The following FOXO3B variants were observed in gnomAD, a reference collection of about 807,000 sequenced individuals.
The protein encoded by FOXO3B is forkhead box O3B, also known as forkhead box protein O3B.
FOXO3B carries 15 observed loss-of-function variants against 21.9 expected under a neutral mutation model. The observed-to-expected ratio is 0.68, with a 90% CI of 0.46 to 1.05. The LOEUF (loss-of-function observed/expected upper bound fraction) is 1.05. Among genes scored for constraint, FOXO3B ranks in the 50% least tolerant of loss-of-function variants. The probability of loss-of-function intolerance (pLI) is 0.00; values close to 1 mark genes in which losing one functional copy is unlikely to be tolerated. For synonymous variants in FOXO3B, 135 were observed against 213.6 expected, an observed-to-expected ratio of 0.63 and a Z score of 3.21; for missense variants, 293 against 435.5, an observed-to-expected ratio of 0.67 and a Z score of 2.91.
At position 18,677,743 on chromosome 17, in the gene FOXO3B, C is replaced by T. The variant is rs1433584489; in HGVS notation, c.126+2998G>A. Reference sequence around the variant, plus strand: ...AAGAAAAAGACGGACAAGAAGCGGGCGCTACGGCGGCTGTAGTGGGCTCTC... The same window carrying T: ...AAGAAAAAGACGGACAAGAAGCGGGTGCTACGGCGGCTGTAGTGGGCTCTC... On this transcript the variant is annotated intron_variant, in intron 3 of 3. Transcript: ENST00000395675. 18 of 1,550,928 alleles carry T rather than the reference C, an allele frequency of 1.2e-5. No individual in the cohort carries two copies. The East Asian group carries it at 1.8e-4, about 15-fold the overall frequency.
intron 3 of FOXO3B, among the ~76,000 whole-genome samples, chr17:18,677,044 TCTTAAAAAATAAA>T (rs1296842671): frequency 1.3e-5 from 2 of 152,196 alleles, no homozygotes; most frequent in Non-Finnish European, 2.9e-5. Flanking sequence ...TATTTTTATT[TCTTAAAAAATAAA>T]AGATATCACA....
Position 18,669,350 on chromosome 17 carries a change from A to G in FOXO3B, c.*2959T>C, listed in dbSNP as rs1419459901. 2.8e-5 allele frequency: 4 copies of G among 142,298 alleles called. No individual in the cohort carries two copies. Among genetic ancestry groups the G allele is most frequent in the Non-Finnish European group, 6.0e-5 (4 of 66,938 alleles). The allele number at this position is 142,298 out of a possible 1,614,324, so 8.8% of individuals were successfully genotyped here. A position where few individuals can be genotyped will look rare whatever the true frequency, so the allele number is the denominator to read the frequency against. ...TAGCCTGTATTCCTAAGGCCCATGC[A>G]TAAGGTTCCATTTTTGTACTGTACA... On this transcript the variant is annotated 3_prime_UTR_variant, in exon 4 of 4. Coordinates refer to ENST00000395675, the MANE Select transcript of FOXO3B (RefSeq NM_001368135.1).
At chr17:18,677,898 A>G in intron 3 of FOXO3B, 1 of 589,916 alleles carries the variant, frequency 1.7e-6, no homozygotes, top group Non-Finnish European at 2.7e-6. Context: ...TTTTCTAAAT[A>G]AAGTTGGAAA....
intron 3 of FOXO3B, among the ~76,000 whole-genome samples, chr17:18,674,400 C>A (rs1457914996): frequency 2.0e-5 from 3 of 149,526 alleles, no homozygotes; most frequent in East Asian, 2.0e-4. Context: ...CCAAGGAGGG[C>A]GGATCACGAG....
At position 18,672,483 on chromosome 17, in the gene FOXO3B, C is replaced by T. The variant is rs1257726562; in HGVS notation, c.699G>A (p.Arg233=). 5.8e-6 allele frequency: 9 copies of T among 1,553,720 alleles called. No individual in the cohort carries two copies. In the Admixed American group the frequency reaches 1.8e-4, roughly 31 times the overall value. Residue 233 remains arginine (R), a synonymous_variant, in exon 4 of 4, where the codon AGG becomes AGA. Transcript: ENST00000395675. The surrounding 1 kb of genome is among the most constrained non-coding windows in gnomAD (Gnocchi z 4.2). Reference sequence around the variant, plus strand: ...AGGCGTTCCGCCGCGACGAACATTTCCTCGGCTGCCCGGAGCCCCCAGCCG... The same window carrying T: ...AGGCGTTCCGCCGCGACGAACATTTTCTCGGCTGCCCGGAGCCCCCAGCCG... ...PGAAGGSGQP[R]KCSSRRNAWG...
rs892603565 is a variant in FOXO3B at position 18,669,924 on chromosome 17, A to C, written c.*2385T>G. Among the ~76,000 whole-genome samples the C allele has an allele frequency of 2.2e-5, 3 of 138,788 alleles. No individual in the cohort carries two copies. Among genetic ancestry groups the C allele is most frequent in the Admixed American group, 7.5e-5 (1 of 13,300 alleles). 91.1% of individuals were successfully genotyped at this position (138,788 alleles called of 152,430 possible). On this transcript the variant is annotated 3_prime_UTR_variant, in exon 4 of 4. Coordinates refer to ENST00000395675, the MANE Select transcript of FOXO3B (RefSeq NM_001368135.1). Reference sequence around the variant, plus strand: ...GTTCATTTGTTCTGCAAAGCAAAACAGGACTTTTTTTTTTTTTCCTTTTCT... The same window carrying C: ...GTTCATTTGTTCTGCAAAGCAAAACCGGACTTTTTTTTTTTTTCCTTTTCT...
chr17:18,680,481 T>G (rs1231296520), intron 3 of FOXO3B, among the ~76,000 whole-genome samples: 1 of 151,808 alleles, frequency 6.6e-6, no homozygotes, highest in Non-Finnish European at 1.5e-5. Flanking sequence ...GAAATGAGCA[T>G]AGGAGGCTAA....
At chr17:18,677,530 G>C in intron 3 of FOXO3B, 8 of 1,610,894 alleles carry the variant, frequency 5.0e-6, no homozygotes, top group Middle Eastern at 1.8e-4. Context: ...TATGCGGCTC[G>C]GGCCCGTCTG....
Position 18,672,553 on chromosome 17 carries a change from G to A in FOXO3B, c.629C>T (p.Ala210Val), listed in dbSNP as rs2032391288. 22 of 1,464,112 alleles carry A rather than the reference G, an allele frequency of 1.5e-5. No individual in the cohort carries two copies. The highest frequency in any genetic ancestry group is 1.8e-5 in the Non-Finnish European group (20 of 1,109,864). The allele number at this position is 1,464,112 out of a possible 1,614,324, so 90.7% of individuals were successfully genotyped here. The change falls in exon 4 of 4, where the codon GCG (alanine) becomes GTG (valine). Residue 210 changes from alanine (A) to valine (V), a missense_variant. Transcript: ENST00000395675. This position sits in a 1 kb window ranked among gnomAD's most constrained non-coding sequence, Gnocchi z 4.2. ...AAGGLSGGTQ[A>V]LLQPQQPLPP... ...CAGCGGTTGCTGAGGCTGCAGCAGC[G>A]CCTGTGTACCCCCGCTCAGCCCGCC...
At position 18,677,642 on chromosome 17, in the gene FOXO3B, C is replaced by T. The variant is rs559336731; in HGVS notation, c.126+3099G>A. On this transcript the variant is annotated intron_variant, in intron 3 of 3. Transcript: ENST00000395675. The stretch of plus-strand genomic sequence containing the variant: ...CAGCTTCCTCCACCGACTCTGGGGC[C>T]CCAGGGGGCTTGGGAGGGGCTGAGG... 4,944 of 1,608,678 alleles carry T rather than the reference C, an allele frequency of 3.1e-3. 35 individuals carry two copies. The highest frequency in any genetic ancestry group is 4.0e-3 in the Non-Finnish European group (4,660 of 1,178,630).
In FOXO3B at chr17:18,677,768, C is replaced by T. The variant is rs2032519553; in HGVS notation, c.126+2973G>A. ...CGCTACGGCGGCTGTAGTGGGCTCTCTTCCTCCTTCCACCGTGACCCCAAC... is the reference window on the plus strand; with the variant it reads ...CGCTACGGCGGCTGTAGTGGGCTCTTTTCCTCCTTCCACCGTGACCCCAAC... On this transcript the variant is annotated intron_variant, in intron 3 of 3. Coordinates refer to ENST00000395675, the MANE Select transcript of FOXO3B (RefSeq NM_001368135.1). 6.1e-6 allele frequency: 9 copies of T among 1,474,324 alleles called. No homozygotes were observed. In the South Asian group the frequency reaches 9.2e-5, roughly 15 times the overall value. 91.3% of individuals were successfully genotyped at this position (1,474,324 alleles called of 1,614,324 possible).
chr17:18,671,340 A>G lies in FOXO3B; in HGVS notation c.*969T>C. ...CTGGTGGTGGAGCAAGTTCTGATTG[A>G]CCACACTTCCCTGGTTAGGCTGGGC... is the stretch of plus-strand genomic sequence containing the variant. On this transcript the variant is annotated 3_prime_UTR_variant, in exon 4 of 4. Coordinates refer to ENST00000395675, the MANE Select transcript of FOXO3B (RefSeq NM_001368135.1). 1 of 1,613,700 alleles carries G rather than the reference A, an allele frequency of 6.2e-7. No individual in the cohort carries two copies.
chr17:18,681,903 G>T, intron 1 of FOXO3B, 57 bp from the exon 2 acceptor site: 2 of 622,398 alleles, frequency 3.2e-6, no homozygotes, highest in South Asian at 2.0e-5. Flanking sequence ...TGTCCCTACC[G>T]CTTGAAGCTG....
intron 3 of FOXO3B, among the ~76,000 whole-genome samples, chr17:18,674,738 G>C (rs1391785972): frequency 7.3e-5 from 11 of 151,708 alleles, no homozygotes. Context: ...AGCAGGGATT[G>C]GCAACTACAG....
In FOXO3B at chr17:18,669,223, G is replaced by A. The variant is rs1031194288; in HGVS notation, c.*3086C>T. ...GCGCACAAGGGGGCCCCTGGTGGCC[G>A]GTGGTGTGTGCAGGGGGTTGGGTGG... On this transcript the variant is annotated 3_prime_UTR_variant, in exon 4 of 4. Coordinates refer to ENST00000395675, the MANE Select transcript of FOXO3B (RefSeq NM_001368135.1). The A allele has an allele frequency of 4.4e-4, 61 of 139,856 alleles. No homozygotes were observed. Among genetic ancestry groups the A allele is most frequent in the African/African-American group, 1.5e-3 (52 of 35,746 alleles). 8.7% of individuals were successfully genotyped at this position (139,856 alleles called of 1,614,324 possible).
At position 18,672,675 on chromosome 17, in the gene FOXO3B, C is replaced by G; in HGVS notation, c.507G>C (p.Gly169=). Residue 169 remains glycine (G), a synonymous_variant, in exon 4 of 4, where the codon GGG becomes GGC. Coordinates refer to ENST00000395675, the MANE Select transcript of FOXO3B (RefSeq NM_001368135.1). The surrounding 1 kb of genome is among the most constrained non-coding windows in gnomAD (Gnocchi z 4.2). ...GSAMAIGGGG[G]SRTLVSGLLL... Reference sequence around the variant, plus strand: ...GCAGCCCGGAGACCAGCGTGCGGCTCCCGCCGCCGCCGCCGATCGCCATGG... The same window carrying G: ...GCAGCCCGGAGACCAGCGTGCGGCTGCCGCCGCCGCCGCCGATCGCCATGG... 6.6e-7 allele frequency: 1 copy of G among 1,512,798 alleles called. No homozygotes were observed. The highest frequency in any genetic ancestry group is 1.2e-5 in the South Asian group (1 of 82,112). The allele number at this position is 1,512,798 out of a possible 1,614,324, so 93.7% of individuals were successfully genotyped here.
rs1198352287 is a variant in FOXO3B, at chr17:18,672,469, C to A, written c.713G>T (p.Arg238Leu). ...GGACAGGTTTCCCCAGGCGTTCCGC[C>A]GCGACGAACATTTCCTCGGCTGCCC... ...GSGQPRKCSS[R>L]RNAWGNLSYA... Residue 238 changes from arginine (R) to leucine (L), a missense_variant, in exon 4 of 4, where the codon CGG becomes CTG. This residue lies in a region of FOXO3B where 251 missense variants were observed against 404.0 expected (regional missense o/e 0.62). Transcript: ENST00000395675. This position sits in a 1 kb window ranked among gnomAD's most constrained non-coding sequence, Gnocchi z 4.2. 2.5e-4 allele frequency: 388 copies of A among 1,576,780 alleles called. No individual in the cohort carries two copies. Among genetic ancestry groups the A allele is most frequent in the Non-Finnish European group, 1.7e-4 (203 of 1,161,796 alleles).
Position 18,670,157 on chromosome 17 carries a change from T to G in FOXO3B, c.*2152A>C, listed in dbSNP as rs748269737. On this transcript the variant is annotated 3_prime_UTR_variant, in exon 4 of 4. Transcript: ENST00000395675. ...CTGGGGTCCCGTCCACAGATCACCCTGACTCAGAACTGGAAACACACTGGG... is the reference window on the plus strand; with the variant it reads ...CTGGGGTCCCGTCCACAGATCACCCGGACTCAGAACTGGAAACACACTGGG... Among the ~76,000 whole-genome samples, 1 of 152,200 alleles carries G rather than the reference T, an allele frequency of 6.6e-6. No homozygotes were observed. The highest frequency in any genetic ancestry group is 1.9e-4 in the East Asian group (1 of 5,198).
At chr17:18,677,928 AAAAAG>A (rs1181049606) in intron 3 of FOXO3B, among the ~76,000 whole-genome samples, 2 of 151,244 alleles carry the variant, frequency 1.3e-5, no homozygotes, top group African/African-American at 2.4e-5. Flanking sequence ...AAAAAAAAAA[AAAAAG>A]AAAGAAGAGA....
Sources: gnomAD v4.1 joint callset for allele counts (sites outside exome capture counted in the v4.1 genomes callset) on GRCh38, gnomAD v4.1.1 for gene constraint, gnomAD v4.1.1 regional missense constraint, Gnocchi (gnomAD v3.1) non-coding constraint, MANE v1.5 for transcripts, NCBI Gene and HGNC (gene_info 2026-07-23, HGNC 2026-07-21) for gene names.